Variants in RNF220 observed in about 807,000 individuals in gnomAD.
RNF220 encodes the protein ring finger protein 220, also known as E3 ubiquitin-protein ligase RNF220.
Under a neutral mutation model 67.1 loss-of-function variants are expected in RNF220, and 7 were observed. That is an observed-to-expected ratio of 0.10 (90% confidence interval 0.06 to 0.20). The LOEUF (loss-of-function observed/expected upper bound fraction) is 0.20. RNF220 is among the 10% of genes least tolerant of loss of function. The probability of loss-of-function intolerance (pLI) is 1.00; values close to 1 mark genes in which losing one functional copy is unlikely to be tolerated. For synonymous variants in RNF220, 270 were observed against 283.2 expected, an observed-to-expected ratio of 0.95 and a Z score of 0.47; for missense variants, 565 against 740.3, an observed-to-expected ratio of 0.76 and a Z score of 2.75.
intron 2 of RNF220, among the ~76,000 whole-genome samples, chr1:44,479,117 A>ATT (rs556142473): frequency 1.5e-3 from 202 of 135,944 alleles, no homozygotes; most frequent in Non-Finnish European, 2.8e-3. Flanking sequence ...AACTTTGTGG[A>ATT]TTTTTTTTTT....
chr1:44,502,153 TCTCTCACACA>T (rs1423049893), intron 2 of RNF220, among the ~76,000 whole-genome samples: 1 of 116,830 alleles, frequency 8.6e-6, no homozygotes, highest in African/African-American at 3.1e-5. Context: ...TCTCTCTCTC[TCTCTCACACA>T]CACACACACA....
chr1:44,513,109 C>T (rs959340211), intron 2 of RNF220, among the ~76,000 whole-genome samples: 1 of 152,222 alleles, frequency 6.6e-6, no homozygotes, highest in Non-Finnish European at 1.5e-5. Context: ...GAAAGGTTCC[C>T]CCACTTTCTG....
At chr1:44,580,241 G>T (rs1009505356) in intron 2 of RNF220, among the ~76,000 whole-genome samples, 2 of 151,920 alleles carry the variant, frequency 1.3e-5, no homozygotes, top group African/African-American at 4.8e-5. Flanking sequence ...TGAACCTTGG[G>T]CCTCCAACTC....
At chr1:44,451,312 A>T (rs1191193305) in intron 2 of RNF220, among the ~76,000 whole-genome samples, 1 of 152,184 alleles carries the variant, frequency 6.6e-6, no homozygotes, top group Non-Finnish European at 1.5e-5. Flanking sequence ...CAGTCCTTTA[A>T]TTTTTGCAAA....
intron 2 of RNF220, among the ~76,000 whole-genome samples, chr1:44,580,075 G>GAAAGA (rs1336511385): frequency 2.6e-5 from 3 of 117,234 alleles, no homozygotes; most frequent in East Asian, 2.5e-4. Context: ...AAGAAAGAAA[G>GAAAGA]AAAGAAAAGA....
At chr1:44,533,083 G>A (rs192410293) in intron 2 of RNF220, among the ~76,000 whole-genome samples, 61 of 152,332 alleles carry the variant, frequency 4.0e-4, no homozygotes, top group African/African-American at 1.4e-3. Context: ...CAGACATGAG[G>A]GTTTGCCCCC....
rs1258868103 is a variant in RNF220 at position 44,632,689 on chromosome 1, GA to G, written c.949+306del. On this transcript the variant is annotated intron_variant, in intron 6 of 14. Coordinates refer to ENST00000361799, the MANE Select transcript of RNF220 (RefSeq NM_018150.4). ...CAATTCTACTCGGGAGCTCAGCTTT[GA>G]ATTTGCAAACTGCTGGGACCTCACT... is the stretch of plus-strand genomic sequence containing the variant. 5 of 528,044 alleles carry G rather than the reference GA, an allele frequency of 9.5e-6. No individual in the cohort carries two copies. The East Asian group carries it at 1.6e-4, about 17-fold the overall frequency. 32.7% of individuals were successfully genotyped at this position (528,044 alleles called of 1,614,324 possible). A position where few individuals can be genotyped will look rare whatever the true frequency, so the allele number is the denominator to read the frequency against.
intron 1 of RNF220, 108 bp downstream of exon 1, chr1:44,405,638 T>A: frequency 1.2e-5 from 3 of 259,356 alleles, no homozygotes; most frequent in Non-Finnish European, 2.2e-5. Flanking sequence ...GTCCGTTTCC[T>A]AGGGATTCGG....
chr1:44,435,600 G>T (rs1650884230), intron 2 of RNF220, among the ~76,000 whole-genome samples: 1 of 152,238 alleles, frequency 6.6e-6, no homozygotes, highest in African/African-American at 2.4e-5. Flanking sequence ...ATCTAAACTT[G>T]TGCTGGCCTT....
At position 44,649,417 on chromosome 1, in the gene RNF220, G is replaced by C; in HGVS notation, c.1446-244G>C. ...TGGTTGGGAAGACTGCGAAGGAGTG[G>C]TTGAAAATGGTTCCCTGGTATCTGG... On this transcript the variant is annotated intron_variant, in intron 12 of 14. Transcript: ENST00000361799. This position sits in a 1 kb window ranked among gnomAD's most constrained non-coding sequence, Gnocchi z 5.9. 1 of 562,640 alleles carries C rather than the reference G, an allele frequency of 1.8e-6. No homozygotes were observed. The highest frequency in any genetic ancestry group is 1.9e-5 in the African/African-American group (1 of 53,248). 34.9% of individuals were successfully genotyped at this position (562,640 alleles called of 1,614,324 possible).
At position 44,635,823 on chromosome 1, in the gene RNF220, C is replaced by G. The variant is rs142996667; in HGVS notation, c.994-207C>G. 746 of 1,282,994 alleles carry G rather than the reference C, an allele frequency of 5.8e-4. 10 individuals are homozygous for G. The East Asian group carries it at 0.018, about 31-fold the overall frequency. The allele number at this position is 1,282,994 out of a possible 1,614,324, so 79.5% of individuals were successfully genotyped here. On this transcript the variant is annotated intron_variant, in intron 7 of 14. Coordinates refer to ENST00000361799, the MANE Select transcript of RNF220 (RefSeq NM_018150.4). ...CTCTCTCCTTTTGCTTTCACTCTCA[C>G]TCATTCCCTCCTTGGGCTCCAGCGG...
intron 2 of RNF220, among the ~76,000 whole-genome samples, chr1:44,551,719 C>T (rs1227026784): frequency 2.0e-5 from 3 of 152,134 alleles, no homozygotes; most frequent in African/African-American, 7.2e-5. Flanking sequence ...TAGCAACCTC[C>T]CATTGGTCTC....
At position 44,405,393 on chromosome 1, in the gene RNF220, C is replaced by T; in HGVS notation, c.-255C>T. 1.6e-6 allele frequency: 1 copy of T among 630,958 alleles called. No individual in the cohort carries two copies. The allele number at this position is 630,958 out of a possible 1,614,324, so 39.1% of individuals were successfully genotyped here. On this transcript the variant is annotated 5_prime_UTR_variant, in exon 1 of 15. Coordinates refer to ENST00000361799, the MANE Select transcript of RNF220 (RefSeq NM_018150.4). ...CAGCCGCCTACTGCTGCTGCTGCTG[C>T]TGCCGCTGCCGCCGCCGCCGCCGCC...
rs962320393 is a variant in RNF220 at position 44,614,394 on chromosome 1, C to G, written c.758+97C>G. 63 of 1,412,148 alleles carry G rather than the reference C, an allele frequency of 4.5e-5. No individual in the cohort carries two copies. The African/African-American group carries it at 8.6e-4, about 19-fold the overall frequency. 87.5% of individuals were successfully genotyped at this position (1,412,148 alleles called of 1,614,324 possible). On this transcript the variant is annotated intron_variant, in intron 3 of 14. Coordinates refer to ENST00000361799, the MANE Select transcript of RNF220 (RefSeq NM_018150.4). ...CAGCCGCCTGGCCCATACCCCAGCC[C>G]CTCGGGAAAAGACAGGACCCTGCCA...
At chr1:44,499,115 C>T (rs775725292) in intron 2 of RNF220, among the ~76,000 whole-genome samples, 4 of 152,208 alleles carry the variant, frequency 2.6e-5, no homozygotes, top group Non-Finnish European at 5.9e-5. Context: ...ATGTCCCCCA[C>T]CCCATCTCAC....
chr1:44,588,236 C>T (rs767086663), intron 2 of RNF220, among the ~76,000 whole-genome samples: 6 of 152,204 alleles, frequency 3.9e-5, no homozygotes, highest in South Asian at 2.1e-4. Context: ...CTCAGCAGGA[C>T]GGCAGCTCCC....
intron 2 of RNF220, among the ~76,000 whole-genome samples, chr1:44,593,853 C>T (rs1666280519): frequency 6.6e-6 from 1 of 152,028 alleles, no homozygotes. Flanking sequence ...GAGGCCAAGG[C>T]GTGGGTGGAT....
rs1387162562 is a variant in RNF220 at position 44,650,028 on chromosome 1, G to T, written c.1629+71G>T. On this transcript the variant is annotated intron_variant, in intron 14 of 14. Transcript: ENST00000361799. The surrounding 1 kb of genome is among the most constrained non-coding windows in gnomAD (Gnocchi z 4.3). ...TGCCCAGATGTCTGTGCTTATGCCT[G>T]AGCCTGCCTGGGGGAAGTGGGGAGC... 2.0e-5 allele frequency: 30 copies of T among 1,500,964 alleles called. No homozygotes were observed. Among genetic ancestry groups the T allele is most frequent in the Non-Finnish European group, 2.7e-5 (29 of 1,092,832 alleles). The allele number at this position is 1,500,964 out of a possible 1,614,324, so 93.0% of individuals were successfully genotyped here. A position where few individuals can be genotyped will look rare whatever the true frequency, so the allele number is the denominator to read the frequency against.
intron 1 of RNF220, among the ~76,000 whole-genome samples, chr1:44,406,679 C>A (rs1306132147): frequency 6.6e-6 from 1 of 152,076 alleles, no homozygotes; most frequent in Admixed American, 6.5e-5. Flanking sequence ...CTCCGGCCTC[C>A]CCCACCCCAC....
Sources: allele counts gnomAD v4.1 joint callset (sites outside exome capture counted in the v4.1 genomes callset), GRCh38; gene constraint gnomAD v4.1.1; non-coding constraint Gnocchi (gnomAD v3.1); transcripts MANE v1.5; gene names NCBI Gene and HGNC (gene_info 2026-07-23, HGNC 2026-07-21).